The following PCNX1 variants were observed in gnomAD, a reference collection of about 807,000 sequenced individuals.
PCNX1 encodes the protein pecanex 1, also known as pecanex-like protein 1.
Under a neutral mutation model 242.2 loss-of-function variants are expected in PCNX1, and 78 were observed. The observed-to-expected ratio is 0.32, with a 90% CI of 0.27 to 0.39. PCNX1 has a LOEUF of 0.39. PCNX1 is among the 10% of genes least tolerant of loss of function. PCNX1 has a pLI of 1.00. For missense variants in PCNX1, 2,581 were observed against 2,856.5 expected, an observed-to-expected ratio of 0.90 and a Z score of 2.20; for synonymous variants, 1,024 against 1,032.9, an observed-to-expected ratio of 0.99 and a Z score of 0.17.
rs561602033 is a variant in PCNX1 at position 71,026,278 on chromosome 14, T to C, written c.3345T>C (p.Asp1115=). The C allele has an allele frequency of 6.3e-7, 1 of 1,597,046 alleles. No homozygotes were observed. The highest frequency in any genetic ancestry group is 1.3e-5 in the African/African-American group (1 of 74,594). The change falls in exon 14 of 36, where the codon GAT becomes GAC. Residue 1115 remains aspartate (D), a synonymous_variant. Coordinates refer to ENST00000304743, the MANE Select transcript of PCNX1 (RefSeq NM_014982.3). ...TNPLVFISAR[D]LVIVFTLCFP... The stretch of plus-strand genomic sequence containing the variant: ...CACTGGTGTTTATATCAGCCAGGGA[T>C]TTAGTTATAGGTGAGTCATCTTAAA...
intron 2 of PCNX1, among the ~76,000 whole-genome samples, 163 bp from the exon 3 acceptor site, chr14:70,962,063 T>G (rs575242802): frequency 6.6e-6 from 1 of 152,174 alleles, no homozygotes; most frequent in Non-Finnish European, 1.5e-5. Context: ...ATCAGACTTG[T>G]AAATGAAGAA....
chr14:70,920,379 TTTC>T (rs1434957359), intron 1 of PCNX1, among the ~76,000 whole-genome samples: 30 of 152,228 alleles, frequency 2.0e-4, no homozygotes, highest in African/African-American at 7.0e-4. Flanking sequence ...TTACTATGGC[TTTC>T]TTCTTTTCCC....
rs192159356 is a variant in PCNX1 at position 70,980,793 on chromosome 14, C to T, written c.2311+2145C>T. Reference sequence around the variant, plus strand: ...TTTAGAAGAAATGTTTCTGGGCTATCCTTCCTTACATACTGTACTACTGAA... The same window carrying T: ...TTTAGAAGAAATGTTTCTGGGCTATTCTTCCTTACATACTGTACTACTGAA... On this transcript the variant is annotated intron_variant, in intron 6 of 35. Coordinates refer to ENST00000304743, the MANE Select transcript of PCNX1 (RefSeq NM_014982.3). 2.0e-5 allele frequency among the ~76,000 whole-genome samples: 3 copies of T among 152,218 alleles called. No homozygotes were observed. The East Asian group carries it at 5.8e-4, about 29-fold the overall frequency.
rs2057549450 is a variant in PCNX1, at chr14:70,948,457, ATAGT to A, written c.362+1337_362+1340del. On this transcript the variant is annotated intron_variant, in intron 2 of 35. Coordinates refer to ENST00000304743, the MANE Select transcript of PCNX1 (RefSeq NM_014982.3). ...CCCCTGATAAATACACTACTGTATG[ATAGT>A]TACTTACACTAGAGACCAAAACCAG... Among the ~76,000 whole-genome samples the A allele has an allele frequency of 2.0e-5, 3 of 152,240 alleles. No homozygotes were observed. The South Asian group carries it at 6.2e-4, about 32-fold the overall frequency.
At chr14:70,919,334 A>G (rs1387029628) in intron 1 of PCNX1, among the ~76,000 whole-genome samples, 1 of 152,170 alleles carries the variant, frequency 6.6e-6, no homozygotes, top group Non-Finnish European at 1.5e-5. Flanking sequence ...TGCATAAGAA[A>G]TTTGATCTGA....
intron 28 of PCNX1, chr14:71,085,839 C>T: frequency 2.9e-6 from 1 of 345,804 alleles, no homozygotes; most frequent in South Asian, 3.1e-5. Context: ...TTTTCCTTAT[C>T]AATAAGGATC....
rs191974427 is a variant in PCNX1, at chr14:71,081,103, C to T, written c.5337+4684C>T. On this transcript the variant is annotated intron_variant, in intron 28 of 35. Transcript: ENST00000304743. ...AGGGCTGTTGAATTTTATTGAAGGC[C>T]TTTTCTGCATCTATTGAGATAATCA... Among the ~76,000 whole-genome samples the T allele has an allele frequency of 8.9e-3, 1,358 of 151,812 alleles. 9 individuals are homozygous for T. The highest frequency in any genetic ancestry group is 0.017 in the South Asian group (83 of 4,780).
At chr14:70,946,798 G>T in intron 1 of PCNX1, 117 bp from the exon 2 acceptor site, 1 of 772,182 alleles carries the variant, frequency 1.3e-6, no homozygotes, top group South Asian at 1.9e-5. Flanking sequence ...CTTAGCGCTA[G>T]TAACATAGTT....
intron 26 of PCNX1, among the ~76,000 whole-genome samples, chr14:71,071,838 C>T (rs2061594097): frequency 6.6e-6 from 1 of 152,164 alleles, no homozygotes; most frequent in Non-Finnish European, 1.5e-5. Context: ...TGTTTCTTTA[C>T]TTAAACACTT....
rs2061303987 is a variant in PCNX1, at chr14:71,060,656, A to G, written c.4852+2932A>G. The G allele has an allele frequency of 2.0e-5, 3 of 152,322 alleles. No individual in the cohort carries two copies. In the South Asian group the frequency reaches 6.2e-4, roughly 32 times the overall value. The allele number at this position is 152,322 out of a possible 1,614,324, so 9.4% of individuals were successfully genotyped here. On this transcript the variant is annotated intron_variant, in intron 26 of 35. Transcript: ENST00000304743. ...GGTTGTTGTCAGGTAATTATGTCCC[A>G]TTCCACCATAGCTGTGATCTTGAAG...
Position 71,049,660 on chromosome 14 carries a change from G to A in PCNX1, c.4339-992G>A, listed in dbSNP as rs1272341172. Among the ~76,000 whole-genome samples the A allele has an allele frequency of 3.9e-5, 6 of 152,112 alleles. 1 individual carries two copies. The highest frequency in any genetic ancestry group is 4.1e-4 in the South Asian group (2 of 4,830). ...CCATGATCCTGATTATATTAGTGCC[G>A]AGGATTGCATAATTTTCAGTCATGG... On this transcript the variant is annotated intron_variant, in intron 22 of 35. Transcript: ENST00000304743.
chr14:70,941,746 AG>A (rs1473645952), intron 1 of PCNX1, among the ~76,000 whole-genome samples: 4 of 152,224 alleles, frequency 2.6e-5, no homozygotes, highest in African/African-American at 9.6e-5. Flanking sequence ...CTACAGAGGC[AG>A]GCAGGCCTCC....
chr14:71,084,254 G>T (rs903690270), intron 28 of PCNX1, among the ~76,000 whole-genome samples: 2 of 152,234 alleles, frequency 1.3e-5, no homozygotes, highest in Admixed American at 6.5e-5. Flanking sequence ...GCAGGTGCCA[G>T]TCAGAGCTCT....
At chr14:70,917,125 C>T (rs148829707) in intron 1 of PCNX1, among the ~76,000 whole-genome samples, 19 of 152,200 alleles carry the variant, frequency 1.2e-4, no homozygotes, top group Admixed American at 6.5e-5. Context: ...AATTCTAGTT[C>T]TCTTTTTGTT....
rs143579885 is a variant in PCNX1, at chr14:70,978,376, G to T, written c.2039G>T (p.Ser680Ile). Residue 680 changes from serine to isoleucine, a missense_variant, in exon 6 of 36, where the codon AGC becomes ATC. Physicochemically the swap from Ser to Ile is moderately radical, Grantham distance 142. Transcript: ENST00000304743. ...AAGCGTGCAACACGACGGACTTCTA[G>T]CACAAATAGTGCCAAGACTCGTGCC... ...SKKRATRRTS[S>I]TNSAKTRARV... The T allele has an allele frequency of 3.1e-6, 5 of 1,614,096 alleles. No homozygotes were observed. In the African/African-American group the frequency reaches 6.7e-5, roughly 22 times the overall value.
chr14:70,949,961 G>A (rs1435278862), intron 2 of PCNX1, among the ~76,000 whole-genome samples: 1 of 152,168 alleles, frequency 6.6e-6, no homozygotes, highest in Non-Finnish European at 1.5e-5. Context: ...CTAAGCAGTT[G>A]TTTCCACTGA....
chr14:71,068,172 C>CA (rs917203983), intron 26 of PCNX1, among the ~76,000 whole-genome samples: 3 of 149,980 alleles, frequency 2.0e-5, no homozygotes, highest in East Asian at 3.9e-4. Context: ...ACTAAAAATA[C>CA]AAAAAAAAAT....
chr14:71,023,179 GTCTT>G lies in PCNX1; in HGVS notation c.3151-17_3151-14del, dbSNP rs780061096. ...TAGCAAGACTTCAGGAGTGTAATTT[GTCTT>G]TCTGTTTCATTTTTAGAGTGTTCAA... On this transcript the variant is annotated splice_polypyrimidine_tract_variant and intron_variant, in intron 12 of 35. Transcript: ENST00000304743. The G allele has an allele frequency of 5.0e-6, 8 of 1,597,118 alleles. No homozygotes were observed. The highest frequency in any genetic ancestry group is 1.7e-5 in the Admixed American group (1 of 59,852).
At position 70,977,972 on chromosome 14, in the gene PCNX1, A is replaced by G. The variant is rs1357460450; in HGVS notation, c.1635A>G (p.Lys545=). The change falls in exon 6 of 36, where the codon AAA becomes AAG. Residue 545 remains lysine (K), a synonymous_variant. Transcript: ENST00000304743. ...GKQKEGDVRP[K]SSSVIHRTAS... ...AAAAGGAAGGGGATGTTCGACCTAA[A>G]TCTTCTAGCGTAATCCATCGGACAG... The G allele has an allele frequency of 1.2e-6, 2 of 1,614,014 alleles. No homozygotes were observed. Among genetic ancestry groups the G allele is most frequent in the African/African-American group, 1.3e-5 (1 of 74,918 alleles).
Sources: gnomAD v4.1 joint callset for allele counts (sites outside exome capture counted in the v4.1 genomes callset) on GRCh38, gnomAD v4.1.1 for gene constraint, MANE v1.5 for transcripts, NCBI Gene and HGNC (gene_info 2026-07-23, HGNC 2026-07-21) for gene names.